The following RNF180 variants were observed in gnomAD, a reference collection of about 807,000 sequenced individuals.
RNF180 encodes the protein ring finger protein 180, also known as E3 ubiquitin-protein ligase RNF180.
Under a neutral mutation model 59.2 loss-of-function variants are expected in RNF180, and 38 were observed. The ratio of observed to expected loss-of-function variants is 0.64; its 90% CI spans 0.50 to 0.84. RNF180 has a LOEUF of 0.84. Among genes scored for constraint, RNF180 ranks in the 40% least tolerant of loss-of-function variants. The probability of loss-of-function intolerance (pLI) is 0.00; values close to 1 mark genes in which losing one functional copy is unlikely to be tolerated. For missense variants in RNF180, 705 were observed against 700.9 expected (o/e 1.01, Z -0.07); for synonymous variants, 262 against 240.3 (o/e 1.09, Z -0.84).
intron 1 of RNF180, among the ~76,000 whole-genome samples, chr5:64,185,557 ATT>A (rs1272689894): frequency 6.6e-6 from 1 of 152,200 alleles, no homozygotes; most frequent in African/African-American, 2.4e-5. Flanking sequence ...AACCTAATGT[ATT>A]TAAACATTGG....
At chr5:64,282,822 T>G (rs1053192795) in intron 5 of RNF180, among the ~76,000 whole-genome samples, 3 of 152,226 alleles carry the variant, frequency 2.0e-5, no homozygotes, top group African/African-American at 7.2e-5. Flanking sequence ...TGCTTTTCAT[T>G]GACTTTAGTA....
chr5:64,237,946 C>T (rs1561209723), intron 5 of RNF180, among the ~76,000 whole-genome samples: 2 of 152,130 alleles, frequency 1.3e-5, no homozygotes, highest in Non-Finnish European at 2.9e-5. Flanking sequence ...GCCTCCCTAG[C>T]TATGTGGAAC....
chr5:64,239,751 G>A (rs995618524), intron 5 of RNF180, among the ~76,000 whole-genome samples: 14 of 151,896 alleles, frequency 9.2e-5, no homozygotes, highest in Middle Eastern at 3.2e-3. Context: ...TATAAATAAC[G>A]ATCATCTTAA....
At chr5:64,271,780 T>G (rs2112354465) in intron 5 of RNF180, among the ~76,000 whole-genome samples, 1 of 152,242 alleles carries the variant, frequency 6.6e-6, no homozygotes, top group East Asian at 1.9e-4. Flanking sequence ...AAACAATTAG[T>G]TGGCAATCTA....
At chr5:64,246,375 A>C (rs1580100646) in intron 5 of RNF180, among the ~76,000 whole-genome samples, 1 of 152,162 alleles carries the variant, frequency 6.6e-6, no homozygotes, top group African/African-American at 2.4e-5. Flanking sequence ...CAGACTAATA[A>C]AGAAGAAAAG....
At chr5:64,183,381 A>G (rs1449709757) in intron 1 of RNF180, among the ~76,000 whole-genome samples, 1 of 152,002 alleles carries the variant, frequency 6.6e-6, no homozygotes, top group Non-Finnish European at 1.5e-5. Flanking sequence ...TTTAGTTTCA[A>G]ATATATGAAG....
At chr5:64,357,693 G>A (rs1323799801) in intron 7 of RNF180, among the ~76,000 whole-genome samples, 2 of 151,678 alleles carry the variant, frequency 1.3e-5, no homozygotes, top group Non-Finnish European at 2.9e-5. Context: ...ACAAAAATTA[G>A]TGAGATAACT....
Position 64,370,630 on chromosome 5 carries a change from T to G in RNF180, c.*816T>G, listed in dbSNP as rs1169590103. 1 of 151,710 alleles carries G rather than the reference T, an allele frequency of 6.6e-6. No homozygotes were observed. Among genetic ancestry groups the G allele is most frequent in the African/African-American group, 2.4e-5 (1 of 41,400 alleles). The allele number at this position is 151,710 out of a possible 1,614,324, so 9.4% of individuals were successfully genotyped here. A position where few individuals can be genotyped will look rare whatever the true frequency, so the allele number is the denominator to read the frequency against. On this transcript the variant is annotated 3_prime_UTR_variant, in exon 8 of 8. Coordinates refer to ENST00000389100, the MANE Select transcript of RNF180 (RefSeq NM_001113561.2). ...AATAAAGAGTGGCTTTTAATTTTTT[T>G]AATGTCTGAATAAAGTATTGTTATA...
At chr5:64,190,593 T>C (rs1751095746) in intron 1 of RNF180, among the ~76,000 whole-genome samples, 1 of 152,136 alleles carries the variant, frequency 6.6e-6, no homozygotes, top group South Asian at 2.1e-4. Context: ...TTGAATTGTG[T>C]CCTCTCCCCT....
At chr5:64,299,077 A>G (rs1259643582) in intron 5 of RNF180, among the ~76,000 whole-genome samples, 5 of 151,950 alleles carry the variant, frequency 3.3e-5, no homozygotes, top group African/African-American at 1.2e-4. Flanking sequence ...GTGTCTTTTA[A>G]TGAGGACCAA....
rs545702740 is a variant in RNF180, at chr5:64,361,996, C to T, written c.1580-7619C>T. Among the ~76,000 whole-genome samples the T allele has an allele frequency of 4.6e-5, 7 of 151,258 alleles. No homozygotes were observed. The South Asian group carries it at 1.0e-3, about 22-fold the overall frequency. ...CAACCCTACCAGACAAAATCTTCTGCTTATTTATCCTATTAGAAAGAAATT... is the reference window on the plus strand; with the variant it reads ...CAACCCTACCAGACAAAATCTTCTGTTTATTTATCCTATTAGAAAGAAATT... On this transcript the variant is annotated intron_variant, in intron 7 of 7. Transcript: ENST00000389100.
chr5:64,237,038 C>G (rs1742486267), intron 5 of RNF180, among the ~76,000 whole-genome samples: 1 of 152,224 alleles, frequency 6.6e-6, no homozygotes, highest in Admixed American at 6.5e-5. Flanking sequence ...TTGGAGCCCC[C>G]ACACAGAGTC....
intron 5 of RNF180, among the ~76,000 whole-genome samples, chr5:64,221,332 A>G (rs1031640264): frequency 6.6e-5 from 10 of 152,146 alleles, no homozygotes; most frequent in Non-Finnish European, 1.2e-4. Context: ...TTTATTAAAC[A>G]TAGAAAGTCA....
intron 7 of RNF180, among the ~76,000 whole-genome samples, chr5:64,351,601 T>G (rs1308123932): frequency 6.6e-6 from 1 of 151,680 alleles, no homozygotes; most frequent in African/African-American, 2.4e-5. Context: ...TTATTGAGAG[T>G]TTTTAGCATG....
At chr5:64,358,900 T>C (rs1172005186) in intron 7 of RNF180, among the ~76,000 whole-genome samples, 2 of 151,538 alleles carry the variant, frequency 1.3e-5, no homozygotes, top group African/African-American at 4.8e-5. Context: ...TTTTTTGTTC[T>C]TGTGATAGTT....
At chr5:64,283,243 T>C (rs966142496) in intron 5 of RNF180, among the ~76,000 whole-genome samples, 9 of 152,204 alleles carry the variant, frequency 5.9e-5, no homozygotes, top group African/African-American at 2.2e-4. Flanking sequence ...CTCTTTACTG[T>C]CTTGTAATGC....
At chr5:64,169,479 G>A (rs929534622) in intron 1 of RNF180, among the ~76,000 whole-genome samples, 16 of 152,150 alleles carry the variant, frequency 1.1e-4, no homozygotes, top group Admixed American at 4.6e-4. Flanking sequence ...TAAAACTTTT[G>A]AGAGAATGCA....
At chr5:64,352,326 A>T (rs1388720915) in intron 7 of RNF180, among the ~76,000 whole-genome samples, 2 of 151,576 alleles carry the variant, frequency 1.3e-5, no homozygotes, top group Non-Finnish European at 2.9e-5. Context: ...GCAGTCTATC[A>T]ATTTTGTTGA....
At chr5:64,198,003 G>T (rs777017996) in intron 1 of RNF180, among the ~76,000 whole-genome samples, 4 of 152,110 alleles carry the variant, frequency 2.6e-5, no homozygotes, top group Admixed American at 6.6e-5. Context: ...AGCCAACCAT[G>T]CAGAGACCCA....
Sources: gnomAD v4.1 joint callset for allele counts (sites outside exome capture counted in the v4.1 genomes callset) on GRCh38, gnomAD v4.1.1 for gene constraint, MANE v1.5 for transcripts, NCBI Gene and HGNC (gene_info 2026-07-23, HGNC 2026-07-21) for gene names.